C6orf15: variants seen among roughly 807,000 people sequenced by gnomAD.
C6orf15 encodes uncharacterized protein C6orf15.
A neutral mutation model predicts 2.8 loss-of-function variants in C6orf15; 5 were observed. That is an observed-to-expected ratio of 1.80 (90% CI 0.94 to 3.78). C6orf15 has a LOEUF of 3.78. C6orf15 is among the 30% of genes most tolerant of loss of function. C6orf15 has a pLI of 0.00. For missense variants in C6orf15, 363 were observed against 418.8 expected, an observed-to-expected ratio of 0.87 and a Z score of 1.16; for synonymous variants, 145 against 163.2, an observed-to-expected ratio of 0.89 and a Z score of 0.85.
At position 31,111,487 on chromosome 6, in the gene C6orf15, C is replaced by T. The variant is rs2233984; in HGVS notation, c.872G>A (p.Gly291Asp). The change falls in exon 2 of 2, where the codon GGT becomes GAT. Residue 291 changes from glycine to aspartate, a missense_variant. Transcript: ENST00000259870. ...GSWGNIHLYP[G>D]INNPFPPGVL... ...TCCAGGAGGAAATGGGTTATTGATA[C>T]CTGGGTATAGATGAATATTCCCCCA... is the stretch of plus-strand genomic sequence containing the variant. 125,635 of 1,611,930 alleles carry T rather than the reference C, an allele frequency of 0.078. 6,323 individuals carry two copies. The highest frequency in any genetic ancestry group is 0.21 in the East Asian group (9,527 of 44,838).
chr6:31,111,341 G>A lies in C6orf15; in HGVS notation c.*40C>T, dbSNP rs942839424. 1.3e-6 allele frequency: 2 copies of A among 1,509,256 alleles called. No homozygotes were observed. The highest frequency in any genetic ancestry group is 1.8e-6 in the Non-Finnish European group (2 of 1,116,870). The allele number at this position is 1,509,256 out of a possible 1,614,324, so 93.5% of individuals were successfully genotyped here. ...GCCCACACAGCAAGGGGCGGGAGCA[G>A]GACTCTAACTCCCAATGTTGGGTTT... On this transcript the variant is annotated 3_prime_UTR_variant, in exon 2 of 2. Coordinates refer to ENST00000259870, the MANE Select transcript of C6orf15 (RefSeq NM_014070.3).
chr6:31,111,752 C>A lies in C6orf15; in HGVS notation c.607G>T (p.Val203Phe), dbSNP rs369499605. ...GTACCCCAGGGGTGATCAGGCAGAA[C>A]CCTGTGGATGAGAGACCAGGGAGGG... Reference protein sequence around the residue: ...QRPPWSLIHRVLPDHPWGTLN... With the variant: ...QRPPWSLIHRFLPDHPWGTLN... Residue 203 changes from valine to phenylalanine, a missense_variant, in exon 2 of 2, where the codon GTT becomes TTT. Physicochemically the swap from Val to Phe is conservative, Grantham distance 50. Coordinates refer to ENST00000259870, the MANE Select transcript of C6orf15 (RefSeq NM_014070.3). 1.2e-6 allele frequency: 2 copies of A among 1,612,446 alleles called. No individual in the cohort carries two copies. The highest frequency in any genetic ancestry group is 1.7e-6 in the Non-Finnish European group (2 of 1,179,806).
rs2233979 is a variant in C6orf15 at position 31,111,918 on chromosome 6, G to C, written c.441C>G (p.Gly147=). The C allele has an allele frequency of 4.5e-3, 7,331 of 1,612,958 alleles. 60 individuals carry two copies. Among genetic ancestry groups the C allele is most frequent in the Middle Eastern group, 0.024 (144 of 6,056 alleles). ...AAGACTCCCCAGGCAAAGGGCCACTGCCCGGAGCGAGGGCCGCAGCACTGG... is the reference window on the plus strand; with the variant it reads ...AAGACTCCCCAGGCAAAGGGCCACTCCCCGGAGCGAGGGCCGCAGCACTGG... ...YLSSAAALAP[G]SGPLPGESSP... is the part of the protein sequence containing the mutation. Residue 147 remains glycine (G), a synonymous_variant, in exon 2 of 2, where the codon GGC becomes GGG. Coordinates refer to ENST00000259870, the MANE Select transcript of C6orf15 (RefSeq NM_014070.3).
At position 31,112,105 on chromosome 6, in the gene C6orf15, T is replaced by C; in HGVS notation, c.254A>G (p.Asp85Gly). ...AGAACCTCCTGCAGGTGGGAAGCCA[T>C]CTGATGCAGGCACGCTGAGCTTCAG... Reference protein sequence around the residue: ...VPLKLSVPASDGFPPAGGSAV... With the variant: ...VPLKLSVPASGGFPPAGGSAV... Residue 85 changes from aspartate (D) to glycine (G), a missense_variant, in exon 2 of 2, where the codon GAT becomes GGT. Asp to Gly is a moderately conservative substitution (Grantham distance 94, BLOSUM62 -1). Coordinates refer to ENST00000259870, the MANE Select transcript of C6orf15 (RefSeq NM_014070.3). 16 of 1,614,068 alleles carry C rather than the reference T, an allele frequency of 9.9e-6. No homozygotes were observed. The highest frequency in any genetic ancestry group is 1.3e-5 in the Non-Finnish European group (15 of 1,179,944).
Position 31,111,305 on chromosome 6 carries a change from G to A in C6orf15, c.*76C>T. 1 of 1,317,440 alleles carries A rather than the reference G, an allele frequency of 7.6e-7. No individual in the cohort carries two copies. 81.6% of individuals were successfully genotyped at this position (1,317,440 alleles called of 1,614,324 possible). A position where few individuals can be genotyped will look rare whatever the true frequency, so the allele number is the denominator to read the frequency against. On this transcript the variant is annotated 3_prime_UTR_variant, in exon 2 of 2. Coordinates refer to ENST00000259870, the MANE Select transcript of C6orf15 (RefSeq NM_014070.3). ...ATAGTGCTGGAAACATGCTGACAGG[G>A]CCTGGATTGAGCCCACACAGCAAGG...
rs746643254 is a variant in C6orf15 at position 31,112,315 on chromosome 6, A to C, written c.68-24T>G. The C allele has an allele frequency of 1.0e-5, 16 of 1,589,550 alleles. No homozygotes were observed. The African/African-American group carries it at 1.8e-4, about 17-fold the overall frequency. Reference sequence around the variant, plus strand: ...GCCTGAGGGAAAGGGAAGATAAAGCAACCAGTGGTCTCCAGTCCCCGAGTC... The same window carrying C: ...GCCTGAGGGAAAGGGAAGATAAAGCCACCAGTGGTCTCCAGTCCCCGAGTC... On this transcript the variant is annotated intron_variant, in intron 1 of 1. Transcript: ENST00000259870.
Position 31,112,567 on chromosome 6 carries a change from C to G in C6orf15, c.-12G>C. ...ACGCGGCCCTGCATCCTGCTCAGCA[C>G]CCGATCTCCCTCAGCCCCAAGACAG... is the stretch of plus-strand genomic sequence containing the variant. On this transcript the variant is annotated 5_prime_UTR_variant, in exon 1 of 2. Coordinates refer to ENST00000259870, the MANE Select transcript of C6orf15 (RefSeq NM_014070.3). 1 of 1,519,100 alleles carries G rather than the reference C, an allele frequency of 6.6e-7. No individual in the cohort carries two copies. Among genetic ancestry groups the G allele is most frequent in the Non-Finnish European group, 8.9e-7 (1 of 1,129,908 alleles). 94.1% of individuals were successfully genotyped at this position (1,519,100 alleles called of 1,614,324 possible).
Position 31,111,504 on chromosome 6 carries a change from A to G in C6orf15, c.855T>C (p.Asn285=). Reference sequence around the variant, plus strand: ...TATTGATACCTGGGTATAGATGAATATTCCCCCAGCTGCCTCCTGGATACC... The same window carrying G: ...TATTGATACCTGGGTATAGATGAATGTTCCCCCAGCTGCCTCCTGGATACC... ...INRYPGGSWG[N]IHLYPGINNP... Residue 285 remains asparagine (N), a synonymous_variant, in exon 2 of 2, where the codon AAT becomes AAC. Transcript: ENST00000259870. 6.2e-7 allele frequency: 1 copy of G among 1,605,664 alleles called. No individual in the cohort carries two copies. Among genetic ancestry groups the G allele is most frequent in the Non-Finnish European group, 8.5e-7 (1 of 1,175,050 alleles).
rs2270191 is a variant in C6orf15, at chr6:31,112,543, C to A, written c.13G>T (p.Val5Leu). The A allele has an allele frequency of 6.5e-7, 1 of 1,548,110 alleles. No individual in the cohort carries two copies. Among genetic ancestry groups the A allele is most frequent in the South Asian group, 1.2e-5 (1 of 83,636 alleles). Residue 5 changes from valine to leucine, a missense_variant, in exon 1 of 2, where the codon GTG becomes TTG. Transcript: ENST00000259870. MQGR[V>L]AGSCAPLGLL... ...CCCAGAGGAGCGCAGCTCCCTGCCA[C>A]GCGGCCCTGCATCCTGCTCAGCACC... is the stretch of plus-strand genomic sequence containing the variant.
Position 31,111,474 on chromosome 6 carries a change from T to C in C6orf15, c.885A>G (p.Pro295=). ...NIHLYPGINN[P]FPPGVLRPPG... ...GAGGGCGGAGGACTCCAGGAGGAAATGGGTTATTGATACCTGGGTATAGAT... is the reference window on the plus strand; with the variant it reads ...GAGGGCGGAGGACTCCAGGAGGAAACGGGTTATTGATACCTGGGTATAGAT... The change falls in exon 2 of 2, where the codon CCA becomes CCG. Residue 295 remains proline, a synonymous_variant. Coordinates refer to ENST00000259870, the MANE Select transcript of C6orf15 (RefSeq NM_014070.3). 1 of 1,612,592 alleles carries C rather than the reference T, an allele frequency of 6.2e-7. No individual in the cohort carries two copies. Among genetic ancestry groups the C allele is most frequent in the Non-Finnish European group, 8.5e-7 (1 of 1,179,822 alleles).
Position 31,112,146 on chromosome 6 carries a change from G to A in C6orf15, c.213C>T (p.Asp71=), listed in dbSNP as rs1454118118. The change falls in exon 2 of 2, where the codon GAC becomes GAT. Residue 71 remains aspartate, a synonymous_variant. Coordinates refer to ENST00000259870, the MANE Select transcript of C6orf15 (RefSeq NM_014070.3). ...PQPALDPRSN[D]LARVPLKLSV... is the part of the protein sequence containing the mutation. Reference sequence around the variant, plus strand: ...TGAGCTTCAGAGGAACCCTTGCCAAGTCATTAGACCTAGGGTCCAGAGCGG... The same window carrying A: ...TGAGCTTCAGAGGAACCCTTGCCAAATCATTAGACCTAGGGTCCAGAGCGG... 6.2e-7 allele frequency: 1 copy of A among 1,614,164 alleles called. No individual in the cohort carries two copies. Among genetic ancestry groups the A allele is most frequent in the South Asian group, 1.1e-5 (1 of 91,088 alleles).
Position 31,112,293 on chromosome 6 carries a change from T to C in C6orf15, c.68-2A>G, listed in dbSNP as rs1343969353. 4 of 1,605,508 alleles carry C rather than the reference T, an allele frequency of 2.5e-6. 1 individual carries two copies. The highest frequency in any genetic ancestry group is 3.4e-6 in the Non-Finnish European group (4 of 1,175,806). ...CACCGATGCTCCGGGCAAAGAGGCC[T>C]GAGGGAAAGGGAAGATAAAGCAACC... On this transcript the variant is annotated splice_acceptor_variant, in intron 1 of 1. Transcript: ENST00000259870. LOFTEE classifies it high-confidence loss of function.
chr6:31,111,790 AT>A lies in C6orf15; in HGVS notation c.568del (p.Ile190SerfsTer23). ...AGACCAGGGAGGGCGTTGGGAAAGG[AT>A]TTTTCCCCCGGCTCCCAGTGAATTA... ...RSNSLGAGGKILSQRPPWSLI... is the reference protein window; with the variant it reads ...RSNSLGAGGKXLSQRPPWSLI... On this transcript the variant is annotated frameshift_variant, in exon 2 of 2. Transcript: ENST00000259870. LOFTEE classifies it low-confidence loss of function (END_TRUNC). 6.2e-7 allele frequency: 1 copy of A among 1,612,720 alleles called. No homozygotes were observed. The highest frequency in any genetic ancestry group is 8.5e-7 in the Non-Finnish European group (1 of 1,179,868).
In C6orf15 at chr6:31,112,280, G is replaced by A. The variant is rs1363195199; in HGVS notation, c.79C>T (p.Arg27Trp). ...TTCTCCTCCACAACACCGATGCTCCGGGCAAAGAGGCCTGAGGGAAAGGGA... is the reference window on the plus strand; with the variant it reads ...TTCTCCTCCACAACACCGATGCTCCAGGCAAAGAGGCCTGAGGGAAAGGGA... ...VCLHLPGLFA[R>W]SIGVVEEKVS... The change falls in exon 2 of 2, where the codon CGG becomes TGG. Residue 27 changes from arginine to tryptophan, a missense_variant. Transcript: ENST00000259870. 4 of 1,610,054 alleles carry A rather than the reference G, an allele frequency of 2.5e-6. No individual in the cohort carries two copies. The highest frequency in any genetic ancestry group is 2.2e-5 in the East Asian group (1 of 44,888).
chr6:31,112,098 G>C lies in C6orf15; in HGVS notation c.261C>G (p.Phe87Leu). 6.2e-7 allele frequency: 1 copy of C among 1,614,074 alleles called. No individual in the cohort carries two copies. Among genetic ancestry groups the C allele is most frequent in the Non-Finnish European group, 8.5e-7 (1 of 1,179,946 alleles). The change falls in exon 2 of 2, where the codon TTC becomes TTG. Residue 87 changes from phenylalanine (F) to leucine (L), a missense_variant. By Grantham distance (22) the Phe-to-Leu change is conservative. Coordinates refer to ENST00000259870, the MANE Select transcript of C6orf15 (RefSeq NM_014070.3). ...LKLSVPASDG[F>L]PPAGGSAVQR... ...GCACTGCAGAACCTCCTGCAGGTGG[G>C]AAGCCATCTGATGCAGGCACGCTGA...
Position 31,111,852 on chromosome 6 carries a change from G to C in C6orf15, c.507C>G (p.Leu169=). The C allele has an allele frequency of 6.2e-7, 1 of 1,612,550 alleles. No individual in the cohort carries two copies. The change falls in exon 2 of 2, where the codon CTC becomes CTG. Residue 169 remains leucine, a synonymous_variant. Transcript: ENST00000259870. ...GTCGTCTGGACTCCGAGTCCTGGTG[G>C]AGGAGTGAAGCCTTGGGTGAGAGGC... ...ATGLSPKASL[L]HQDSESRRLP... is the part of the protein sequence containing the mutation.
Position 31,111,357 on chromosome 6 carries a change from T to C in C6orf15, c.*24A>G, listed in dbSNP as rs1276554491. On this transcript the variant is annotated 3_prime_UTR_variant, in exon 2 of 2. Transcript: ENST00000259870. ...GCGGGAGCAGGACTCTAACTCCCAATGTTGGGTTTCCCTCTATCGTGCTCT... is the reference window on the plus strand; with the variant it reads ...GCGGGAGCAGGACTCTAACTCCCAACGTTGGGTTTCCCTCTATCGTGCTCT... The C allele has an allele frequency of 3.2e-6, 5 of 1,549,894 alleles. No homozygotes were observed. Among genetic ancestry groups the C allele is most frequent in the African/African-American group, 2.7e-5 (2 of 73,686 alleles).
Position 31,112,294 on chromosome 6 carries a change from G to C in C6orf15, c.68-3C>G. The C allele has an allele frequency of 1.2e-6, 2 of 1,603,524 alleles. No individual in the cohort carries two copies. Among genetic ancestry groups the C allele is most frequent in the Non-Finnish European group, 1.7e-6 (2 of 1,174,832 alleles). ...ACCGATGCTCCGGGCAAAGAGGCCT[G>C]AGGGAAAGGGAAGATAAAGCAACCA... On this transcript the variant is annotated splice_region_variant and splice_polypyrimidine_tract_variant and intron_variant, in intron 1 of 1. Transcript: ENST00000259870.
Position 31,111,904 on chromosome 6 carries a change from G to A in C6orf15, c.455C>T (p.Pro152Leu). ...AALAPGSGPL[P>L]GESSPDATGL... ...TGTGGCATCGGGAGAAGACTCCCCA[G>A]GCAAAGGGCCACTGCCCGGAGCGAG... The change falls in exon 2 of 2, where the codon CCT becomes CTT. Residue 152 changes from proline to leucine, a missense_variant. By Grantham distance (98) the Pro-to-Leu change is moderately conservative. Transcript: ENST00000259870. 6.2e-7 allele frequency: 1 copy of A among 1,612,954 alleles called. No individual in the cohort carries two copies. Among genetic ancestry groups the A allele is most frequent in the Admixed American group, 1.7e-5 (1 of 60,004 alleles).
Sources: allele counts gnomAD v4.1 joint callset, GRCh38; gene constraint gnomAD v4.1.1; transcripts MANE v1.5; gene names NCBI Gene and HGNC (gene_info 2026-07-23, HGNC 2026-07-21).